Variants in PKHD1 observed in about 807,000 individuals in gnomAD.
PKHD1 encodes the protein fibrocystin.
A neutral mutation model predicts 412.0 loss-of-function variants in PKHD1; 291 were observed. That is an observed-to-expected ratio of 0.71 (90% CI 0.64 to 0.78). The LOEUF (loss-of-function observed/expected upper bound fraction) is 0.78. Among genes scored for constraint, PKHD1 ranks in the 30% least tolerant of loss-of-function variants. The probability of loss-of-function intolerance (pLI) is 0.00; values close to 1 mark genes in which losing one functional copy is unlikely to be tolerated. For synonymous variants in PKHD1, 1,777 were observed against 1,821.5 expected (o/e 0.98, Z 0.62); for missense variants, 4,825 against 4,950.7 (o/e 0.97, Z 0.76).
chr6:52,086,222 T>C (rs1405870653), intron 1 of PKHD1, among the ~76,000 whole-genome samples: 2 of 151,352 alleles, frequency 1.3e-5, no homozygotes, highest in Admixed American at 1.3e-4. Flanking sequence ...GTGATTCTTA[T>C]GCCTCAGCCT....
At chr6:52,001,749 A>G (rs978982096) in intron 35 of PKHD1, among the ~76,000 whole-genome samples, 4 of 152,170 alleles carry the variant, frequency 2.6e-5, no homozygotes, top group African/African-American at 9.7e-5. Context: ...TTTTAAAAAA[A>G]GAAAAAAACA....
In PKHD1 at chr6:51,775,813, G is replaced by A; in HGVS notation, c.8549C>T (p.Thr2850Ile). The A allele has an allele frequency of 7.0e-7, 1 of 1,421,460 alleles. No homozygotes were observed. Among genetic ancestry groups the A allele is most frequent in the South Asian group, 1.1e-5 (1 of 87,168 alleles). 88.1% of individuals were successfully genotyped at this position (1,421,460 alleles called of 1,614,324 possible). Residue 2850 changes from threonine to isoleucine, a missense_variant, in exon 54 of 67, where the codon ACA (threonine) becomes ATA (isoleucine). By Grantham distance (89) the Thr-to-Ile change is moderately conservative (BLOSUM62 -1). Transcript: ENST00000371117. The part of the protein sequence containing the change: ...RMNGIHIDPG[T>I]IGVYGKVHLY... The stretch of plus-strand genomic sequence containing the variant: ...AAACTATATTATACTCTTACCAATT[G>A]TTCCTGGGTCAATATGAATTCCATT...
At chr6:51,865,063 T>C (rs549960249) in intron 48 of PKHD1, among the ~76,000 whole-genome samples, 7 of 152,256 alleles carry the variant, frequency 4.6e-5, no homozygotes, top group South Asian at 2.1e-4. Flanking sequence ...CTGACTTACA[T>C]TGGCAGAACT....
At chr6:51,974,055 C>T (rs2474894) in intron 35 of PKHD1, among the ~76,000 whole-genome samples, 25,851 of 152,014 alleles carry the variant, frequency 0.17, 2,764 homozygotes, top group African/African-American at 0.3. Context: ...CATCCCAGTA[C>T]GGGTGAATCA....
chr6:51,708,900 GA>G (rs1780322333), intron 60 of PKHD1, among the ~76,000 whole-genome samples: 1 of 152,148 alleles, frequency 6.6e-6, no homozygotes, highest in African/African-American at 2.4e-5. Flanking sequence ...AGAAGAAAAA[GA>G]GAAAAAGAAC....
chr6:51,962,445 C>A (rs1049490303), intron 35 of PKHD1, among the ~76,000 whole-genome samples: 7 of 152,114 alleles, frequency 4.6e-5, no homozygotes, highest in African/African-American at 1.7e-4. Context: ...GACTTTCTTG[C>A]TCTGAAGCAC....
intron 60 of PKHD1, among the ~76,000 whole-genome samples, chr6:51,661,379 G>A (rs1016299025): frequency 3.9e-5 from 6 of 152,084 alleles, no homozygotes; most frequent in East Asian, 1.9e-4. Flanking sequence ...ACATCCAAGC[G>A]AATGGGAGAA....
intron 5 of PKHD1, among the ~76,000 whole-genome samples, chr6:52,076,878 G>A (rs1279423107): frequency 1.3e-5 from 2 of 152,150 alleles, no homozygotes; most frequent in Non-Finnish European, 2.9e-5. Flanking sequence ...GCTTACTAGG[G>A]AAACTGAAGA....
At chr6:51,750,377 A>G (rs1785905508) in intron 57 of PKHD1, among the ~76,000 whole-genome samples, 1 of 152,236 alleles carries the variant, frequency 6.6e-6, no homozygotes, top group Admixed American at 6.5e-5. Flanking sequence ...AAATGCAAGC[A>G]TAAGTCCATA....
chr6:52,026,728 G>A (rs777348970), intron 31 of PKHD1, among the ~76,000 whole-genome samples: 11 of 151,518 alleles, frequency 7.3e-5, no homozygotes, highest in South Asian at 2.1e-4. Context: ...TTCCATATAC[G>A]TGAGAGACAT....
Position 51,669,502 on chromosome 6 carries a change from TGG to T in PKHD1, c.10157-9535_10157-9534del, listed in dbSNP as rs1216035415. On this transcript the variant is annotated intron_variant, in intron 60 of 66. Coordinates refer to ENST00000371117, the MANE Select transcript of PKHD1 (RefSeq NM_138694.4). Reference sequence around the variant, plus strand: ...TTGATCCTTTCAAAAAACCAGCTCCTGGATTCATTAATTTTTTGAAGGGTTTT... The same window carrying T: ...TTGATCCTTTCAAAAAACCAGCTCCTATTCATTAATTTTTTGAAGGGTTTT... 1.4e-4 allele frequency among the ~76,000 whole-genome samples: 21 copies of T among 149,682 alleles called. No individual in the cohort carries two copies. The East Asian group carries it at 3.3e-3, about 24-fold the overall frequency.
chr6:51,740,453 T>C (rs1259551124), intron 60 of PKHD1, among the ~76,000 whole-genome samples: 1 of 152,186 alleles, frequency 6.6e-6, no homozygotes, highest in Admixed American at 6.5e-5. Flanking sequence ...TGGAGAGATA[T>C]GTTTAAAAAA....
intron 40 of PKHD1, among the ~76,000 whole-genome samples, chr6:51,907,551 C>A (rs1448800318): frequency 6.6e-6 from 1 of 152,112 alleles, no homozygotes; most frequent in African/African-American, 2.4e-5. Context: ...CTCTTATGGG[C>A]GGAATACTGG....
intron 35 of PKHD1, among the ~76,000 whole-genome samples, chr6:51,963,699 C>T (rs1013491314): frequency 6.6e-6 from 1 of 151,982 alleles, no homozygotes; most frequent in Admixed American, 6.6e-5. Context: ...CTTCATCCTC[C>T]AATCCATGTC....
chr6:52,042,800 A>T (rs1805127470), intron 27 of PKHD1, 59 bp downstream of exon 27: 5 of 1,485,380 alleles, frequency 3.4e-6, no homozygotes, highest in Non-Finnish European at 4.7e-6. Context: ...CTAGATTCCT[A>T]TCAGCAAGAA....
chr6:51,821,687 G>T (rs942047667), intron 52 of PKHD1, among the ~76,000 whole-genome samples: 1 of 152,124 alleles, frequency 6.6e-6, no homozygotes, highest in Non-Finnish European at 1.5e-5. Context: ...GGAAATGACA[G>T]GGATTCAGTG....
At position 51,747,706 on chromosome 6, in the gene PKHD1, G is replaced by C; in HGVS notation, c.9829+81C>G. 2.4e-6 allele frequency: 3 copies of C among 1,241,662 alleles called. No individual in the cohort carries two copies. The South Asian group carries it at 3.6e-5, about 15-fold the overall frequency. The allele number at this position is 1,241,662 out of a possible 1,614,324, so 76.9% of individuals were successfully genotyped here. ...CTAGACCACAATGTACCTTTTTGTT[G>C]ATAAAATTTCAGAATGCCATTAAAA... is the stretch of plus-strand genomic sequence containing the variant. On this transcript the variant is annotated intron_variant, in intron 58 of 66. Coordinates refer to ENST00000371117, the MANE Select transcript of PKHD1 (RefSeq NM_138694.4).
At chr6:51,768,164 G>GT (rs56284723) in intron 55 of PKHD1, among the ~76,000 whole-genome samples, 23 of 148,930 alleles carry the variant, frequency 1.5e-4, no homozygotes, top group East Asian at 2.0e-4. Flanking sequence ...TGAGGGGGTT[G>GT]TTTTTTTTTT....
intron 43 of PKHD1, among the ~76,000 whole-genome samples, chr6:51,891,921 G>A (rs1478942715): frequency 6.6e-6 from 1 of 152,146 alleles, no homozygotes; most frequent in African/African-American, 2.4e-5. Flanking sequence ...GAAACTAGAA[G>A]CCTGACCAGC....
Sources: allele counts gnomAD v4.1 joint callset (sites outside exome capture counted in the v4.1 genomes callset), GRCh38; gene constraint gnomAD v4.1.1; transcripts MANE v1.5; gene names NCBI Gene and HGNC (gene_info 2026-07-23, HGNC 2026-07-21).